The following FTCDNL1 variants were observed in gnomAD, a reference collection of about 807,000 sequenced individuals.
FTCDNL1 encodes formiminotransferase cyclodeaminase N-terminal like.
FTCDNL1 carries 11 observed loss-of-function variants against 5.9 expected under a neutral mutation model. The ratio of observed to expected loss-of-function variants is 1.87; its 90% CI spans 1.18 to 3.10. The LOEUF (loss-of-function observed/expected upper bound fraction) is 3.10, where lower values mean the gene tolerates loss of function less well. FTCDNL1 is among the 30% of genes most tolerant of loss of function. FTCDNL1 has a pLI of 0.00. For synonymous variants in FTCDNL1, 58 were observed against 24.8 expected, an observed-to-expected ratio of 2.34 and a Z score of -3.99; for missense variants, 115 against 65.5, an observed-to-expected ratio of 1.76 and a Z score of -2.61.
At chr2:199,790,804 G>A (rs932384719) in intron 3 of FTCDNL1, among the ~76,000 whole-genome samples, 7 of 152,074 alleles carry the variant, frequency 4.6e-5, no homozygotes, top group African/African-American at 1.7e-4. Flanking sequence ...AATTCCTACT[G>A]CTTGGCAGAC....
chr2:199,821,311 G>C (rs2106515434), intron 3 of FTCDNL1, among the ~76,000 whole-genome samples: 1 of 133,418 alleles, frequency 7.5e-6, no homozygotes, highest in East Asian at 2.1e-4. Flanking sequence ...CACCAAGCCT[G>C]GCTAATTTTT....
chr2:199,724,511 T>C, the FTCDNL1 span, among the ~76,000 whole-genome samples: 1 of 152,318 alleles, frequency 6.6e-6, no homozygotes, highest in South Asian at 2.1e-4. Context: ...TTTTTTGATG[T>C]GGTCATTTAG....
chr2:199,697,363 T>C, the FTCDNL1 span, among the ~76,000 whole-genome samples: 3 of 151,972 alleles, frequency 2.0e-5, no homozygotes, highest in Non-Finnish European at 4.4e-5. Flanking sequence ...AGAAAAAATA[T>C]TAAAGGCAGC....
chr2:199,764,811 T>C (rs1698435100), intron 3 of FTCDNL1, among the ~76,000 whole-genome samples: 1 of 152,164 alleles, frequency 6.6e-6, no homozygotes, highest in South Asian at 2.1e-4. Context: ...TCTGCACAAA[T>C]AGGACCTTCC....
At chr2:199,792,862 T>C (rs1173689456) in intron 3 of FTCDNL1, among the ~76,000 whole-genome samples, 1 of 152,138 alleles carries the variant, frequency 6.6e-6, no homozygotes, top group Non-Finnish European at 1.5e-5. Flanking sequence ...TTTCCAAATA[T>C]GCTAGTACCA....
At chr2:199,713,397 C>T in the FTCDNL1 span, among the ~76,000 whole-genome samples, 2 of 152,104 alleles carry the variant, frequency 1.3e-5, no homozygotes, top group East Asian at 3.9e-4. Context: ...GAGCCTGCAA[C>T]CAAGCCCCAC....
intron 3 of FTCDNL1, among the ~76,000 whole-genome samples, chr2:199,842,154 G>A (rs1447504740): frequency 3.3e-5 from 5 of 151,868 alleles, no homozygotes; most frequent in African/African-American, 1.2e-4. Context: ...TATAGTCCCA[G>A]CTACCTGGGA....
chr2:199,800,772 C>T (rs1340110289), intron 3 of FTCDNL1, among the ~76,000 whole-genome samples: 2 of 152,108 alleles, frequency 1.3e-5, no homozygotes, highest in Non-Finnish European at 2.9e-5. Context: ...AGGCAAATTC[C>T]CATGGGACAT....
the FTCDNL1 span, among the ~76,000 whole-genome samples, chr2:199,741,792 T>C: frequency 6.6e-6 from 1 of 152,186 alleles, no homozygotes; most frequent in African/African-American, 2.4e-5. Flanking sequence ...GACATATTAA[T>C]GCTCTGAAAA....
the FTCDNL1 span, among the ~76,000 whole-genome samples, chr2:199,667,947 A>C: frequency 7.2e-5 from 11 of 152,198 alleles, no homozygotes; most frequent in Non-Finnish European, 1.6e-4. Flanking sequence ...TATGCACAAA[A>C]AATAGTAGTC....
intron 3 of FTCDNL1, among the ~76,000 whole-genome samples, chr2:199,781,402 A>T (rs1699354761): frequency 6.6e-6 from 1 of 152,158 alleles, no homozygotes; most frequent in Non-Finnish European, 1.5e-5. Context: ...GAAGCCCTAT[A>T]AAATTTACTA....
intron 3 of FTCDNL1, among the ~76,000 whole-genome samples, chr2:199,781,848 C>A (rs1344340289): frequency 6.6e-6 from 1 of 152,070 alleles, no homozygotes; most frequent in Non-Finnish European, 1.5e-5. Flanking sequence ...GGCGCCATCT[C>A]GGCTCACTGC....
At chr2:199,821,187 T>C (rs988622563) in intron 3 of FTCDNL1, among the ~76,000 whole-genome samples, 1 of 152,166 alleles carries the variant, frequency 6.6e-6, no homozygotes, top group Admixed American at 6.6e-5. Context: ...TCTCGCTCTG[T>C]CGCCCAGGCT....
At chr2:199,704,775 A>G in the FTCDNL1 span, among the ~76,000 whole-genome samples, 1 of 152,120 alleles carries the variant, frequency 6.6e-6, no homozygotes, top group Non-Finnish European at 1.5e-5. Flanking sequence ...GAAAGCAGCC[A>G]CACTTTGCTA....
the FTCDNL1 span, among the ~76,000 whole-genome samples, chr2:199,735,843 A>T: frequency 6.6e-6 from 1 of 152,180 alleles, no homozygotes; most frequent in African/African-American, 2.4e-5. Flanking sequence ...TATCTGTTGC[A>T]TATTTGTGAA....
At chr2:199,792,980 T>C (rs1700004366) in intron 3 of FTCDNL1, among the ~76,000 whole-genome samples, 1 of 152,210 alleles carries the variant, frequency 6.6e-6, no homozygotes. Context: ...AATTTTCTGA[T>C]TTCTATTTAA....
chr2:199,762,484 T>C (rs548092897), intron 3 of FTCDNL1, among the ~76,000 whole-genome samples: 22 of 152,350 alleles, frequency 1.4e-4, no homozygotes, highest in Non-Finnish European at 2.5e-4. Flanking sequence ...CTTGGTTTAA[T>C]GCTTATCTTT....
the FTCDNL1 span, among the ~76,000 whole-genome samples, chr2:199,680,258 G>A: frequency 1.3e-5 from 2 of 152,194 alleles, no homozygotes. Flanking sequence ...ATTGTAATGT[G>A]ATAGTTTAAA....
chr2:199,768,817 G>A (rs993285937), intron 3 of FTCDNL1, among the ~76,000 whole-genome samples: 11 of 152,106 alleles, frequency 7.2e-5, no homozygotes, highest in African/African-American at 1.7e-4. Flanking sequence ...TCTTTAACAC[G>A]TACTTGGCTG....
Sources: gnomAD v4.1 joint callset for allele counts (sites outside exome capture counted in the v4.1 genomes callset) on GRCh38, gnomAD v4.1.1 for gene constraint, MANE v1.5 for transcripts, NCBI Gene and HGNC (gene_info 2026-07-23, HGNC 2026-07-21) for gene names.